Variants in INTS1 observed in about 807,000 individuals in gnomAD.
INTS1 encodes integrator complex subunit 1.
A neutral mutation model predicts 241.6 loss-of-function variants in INTS1; 137 were observed. The observed-to-expected ratio is 0.57, with a 90% CI of 0.49 to 0.65. The LOEUF (loss-of-function observed/expected upper bound fraction) is 0.65. INTS1 is among the 30% of genes least tolerant of loss of function. INTS1 has a pLI of 0.00. For synonymous variants in INTS1, 1,692 were observed against 1,337.8 expected, an observed-to-expected ratio of 1.26 and a Z score of -5.78; for missense variants, 3,073 against 3,032.2, an observed-to-expected ratio of 1.01 and a Z score of -0.32.
intron 21 of INTS1, 61 bp downstream of exon 21, chr7:1,486,861 G>C (rs1330412264): frequency 6.3e-7 from 1 of 1,593,112 alleles, no homozygotes; most frequent in Non-Finnish European, 8.5e-7. Flanking sequence ...CTCAGGCATG[G>C]GTTGCCCTGA....
In INTS1 at chr7:1,470,565, G is replaced by A; in HGVS notation, c.*12C>T. On this transcript the variant is annotated 3_prime_UTR_variant, in exon 48 of 48. Coordinates refer to ENST00000404767, the MANE Select transcript of INTS1 (RefSeq NM_001080453.3). ...CGGGCCGGGGCTTGGAGGGGGGTCGGCTGCCACAGGCTCACATCACGGCCT... is the reference window on the plus strand; with the variant it reads ...CGGGCCGGGGCTTGGAGGGGGGTCGACTGCCACAGGCTCACATCACGGCCT... The A allele has an allele frequency of 6.5e-7, 1 of 1,534,044 alleles. No individual in the cohort carries two copies. Among genetic ancestry groups the A allele is most frequent in the South Asian group, 1.2e-5 (1 of 83,390 alleles).
chr7:1,473,717 C>A, intron 41 of INTS1, 24 bp from the exon 42 acceptor site: 1 of 1,612,080 alleles, frequency 6.2e-7, no homozygotes, highest in South Asian at 1.1e-5. Context: ...GCGGCACCCT[C>A]GAGCTGCTCT....
chr7:1,478,261 T>C, intron 33 of INTS1, 105 bp downstream of exon 33: 4 of 1,313,614 alleles, frequency 3.0e-6, no homozygotes, highest in South Asian at 1.3e-5. Context: ...CCGGGGACAG[T>C]GCTGAGCAGA....
In INTS1 at chr7:1,499,911, G is replaced by A. The variant is rs751772411; in HGVS notation, c.657C>T (p.Asp219=). 1.6e-5 allele frequency: 26 copies of A among 1,613,250 alleles called. No individual in the cohort carries two copies. The highest frequency in any genetic ancestry group is 8.0e-5 in the African/African-American group (6 of 74,924). The change falls in exon 5 of 48, where the codon GAC becomes GAT. Residue 219 remains aspartate (D), a synonymous_variant. Coordinates refer to ENST00000404767, the MANE Select transcript of INTS1 (RefSeq NM_001080453.3). ...CNLLMAAYEE[D]ENWPEIFVKV... is the part of the protein sequence containing the mutation. The stretch of plus-strand genomic sequence containing the variant: ...TGACAAAGATCTCGGGCCAGTTCTC[G>A]TCCTCCTCGTAGGCGGCCATGAGGA...
intron 2 of INTS1, among the ~76,000 whole-genome samples, chr7:1,503,538 C>T (rs970293369): frequency 1.3e-5 from 2 of 152,270 alleles, no homozygotes; most frequent in African/African-American, 4.8e-5. Flanking sequence ...CAGCGTCACA[C>T]AGCAGGCGAG....
At chr7:1,477,037 G>A (rs1781758403) in intron 35 of INTS1, 119 bp from the exon 36 acceptor site, 2 of 1,271,770 alleles carry the variant, frequency 1.6e-6, no homozygotes, top group Admixed American at 2.2e-5. Context: ...GGTGCTGCCG[G>A]TAACACCGGC....
Position 1,470,585 on chromosome 7 carries a change from C to T in INTS1, c.6565G>A (p.Val2189Met). ...GGTCGGCTGCCACAGGCTCACATCA[C>T]GGCCTCCATATGCAGGATCCTCAGG... ...EALRILHMEA[V>M]M Residue 2189 changes from valine to methionine, a missense_variant, in exon 48 of 48, where the codon GTG becomes ATG. By Grantham distance (21) the Val-to-Met change is conservative. Transcript: ENST00000404767. 2 of 1,562,306 alleles carry T rather than the reference C, an allele frequency of 1.3e-6. No homozygotes were observed. Among genetic ancestry groups the T allele is most frequent in the Non-Finnish European group, 1.7e-6 (2 of 1,154,298 alleles).
chr7:1,499,165 G>C lies in INTS1; in HGVS notation c.951-4C>G, dbSNP rs746980890. 6.2e-7 allele frequency: 1 copy of C among 1,607,630 alleles called. No homozygotes were observed. Among genetic ancestry groups the C allele is most frequent in the Non-Finnish European group, 8.5e-7 (1 of 1,177,142 alleles). ...GCTCTCCGCGAGCTCTTCGTACCTA[G>C]GCCAGAGGAGGGAGCGAGGAGGGAG... On this transcript the variant is annotated splice_polypyrimidine_tract_variant and splice_region_variant and intron_variant, in intron 7 of 47. Transcript: ENST00000404767.
chr7:1,470,705 CG>C lies in INTS1; in HGVS notation c.6458-14del, dbSNP rs1562481016. 6.6e-7 allele frequency: 1 copy of C among 1,526,132 alleles called. No homozygotes were observed. Among genetic ancestry groups the C allele is most frequent in the South Asian group, 1.2e-5 (1 of 82,258 alleles). The allele number at this position is 1,526,132 out of a possible 1,614,324, so 94.5% of individuals were successfully genotyped here. Reference sequence around the variant, plus strand: ...ACAGCCGCGTGCTCTGTGGGGGAAACGGGGCCCTGCACGTCACGCTGGCCAC... The same window carrying C: ...ACAGCCGCGTGCTCTGTGGGGGAAACGGGCCCTGCACGTCACGCTGGCCAC... On this transcript the variant is annotated splice_polypyrimidine_tract_variant and intron_variant, in intron 47 of 47. Coordinates refer to ENST00000404767, the MANE Select transcript of INTS1 (RefSeq NM_001080453.3).
chr7:1,492,848 G>T (rs546311199), intron 16 of INTS1, among the ~76,000 whole-genome samples, 162 bp downstream of exon 16: 1 of 139,154 alleles, frequency 7.2e-6, no homozygotes, highest in South Asian at 2.3e-4. Flanking sequence ...CGGGAGTGGG[G>T]AGTGGGGAGC....
At chr7:1,476,513 C>A (rs1266743143) in intron 37 of INTS1, 57 bp downstream of exon 37, 8 of 1,602,848 alleles carry the variant, frequency 5.0e-6, no homozygotes, top group Non-Finnish European at 6.0e-6. Flanking sequence ...GATGGGCCAC[C>A]CCCTCTCCCG....
chr7:1,485,245 G>C, intron 23 of INTS1, 43 bp from the exon 24 acceptor site: 1 of 1,597,058 alleles, frequency 6.3e-7, no homozygotes, highest in Non-Finnish European at 8.5e-7. Flanking sequence ...GCAGGGCTGC[G>C]GCCCTCTCAT....
At chr7:1,490,167 GGCA>G (rs1782478759) in intron 16 of INTS1, among the ~76,000 whole-genome samples, 1 of 152,250 alleles carries the variant, frequency 6.6e-6, no homozygotes, top group South Asian at 2.1e-4. Context: ...AAGCAGAGCG[GGCA>G]GCACCTGCCG....
intron 3 of INTS1, 123 bp from the exon 4 acceptor site, chr7:1,500,489 A>C: frequency 9.1e-7 from 1 of 1,100,498 alleles, no homozygotes; most frequent in African/African-American, 1.6e-5. Context: ...GGGACCAGCG[A>C]TCCACCCTCA....
At chr7:1,495,618 T>A in intron 12 of INTS1, 65 bp from the exon 13 acceptor site, 2 of 1,553,032 alleles carry the variant, frequency 1.3e-6, no homozygotes, top group East Asian at 2.4e-5. Context: ...AAGGCACCCC[T>A]GGGGGTCCAA....
chr7:1,498,541 G>A lies in INTS1; in HGVS notation c.1296C>T (p.Ser432=), dbSNP rs1369287268. The change falls in exon 10 of 48, where the codon AGC becomes AGT. Residue 432 remains serine, a synonymous_variant. Coordinates refer to ENST00000404767, the MANE Select transcript of INTS1 (RefSeq NM_001080453.3). The stretch of plus-strand genomic sequence containing the variant: ...TGGTGCCCAGGTTGTCCTTGTGCGC[G>A]CTCAGCAGCTCCCTGGGTGAGGTGA... ...HFMLCIRELL[S]AHKDNLGTTI... The A allele has an allele frequency of 8.1e-6, 13 of 1,613,568 alleles. No individual in the cohort carries two copies. Among genetic ancestry groups the A allele is most frequent in the Admixed American group, 1.7e-5 (1 of 59,986 alleles).
Position 1,474,182 on chromosome 7 carries a change from TGAA to T in INTS1, c.5812_5814del (p.Phe1938del). 6.4e-7 allele frequency: 1 copy of T among 1,573,226 alleles called. No individual in the cohort carries two copies. The highest frequency in any genetic ancestry group is 8.6e-7 in the Non-Finnish European group (1 of 1,161,434). ...GGAGCACACACCAGCAGCAGGCGGA[TGAA>T]GGACAGAAGGCAGTCCCACAGCGCC... On this transcript the variant is annotated inframe_deletion, in exon 41 of 48. Transcript: ENST00000404767.
Position 1,487,093 on chromosome 7 carries a change from C to A in INTS1, c.2655G>T (p.Ser885=), listed in dbSNP as rs201652864. The A allele has an allele frequency of 1.9e-6, 3 of 1,547,878 alleles. No individual in the cohort carries two copies. Among genetic ancestry groups the A allele is most frequent in the Admixed American group, 1.9e-5 (1 of 51,452 alleles). ...LLHIIQRQAS[S]QSMPWLADLV... ...GGTCCGCCAGCCAGGGCATGGACTG[C>A]GAGGAGGCCTGGGCAGGCGACAGTG... The change falls in exon 21 of 48, where the codon TCG becomes TCT. Residue 885 remains serine, a synonymous_variant. Coordinates refer to ENST00000404767, the MANE Select transcript of INTS1 (RefSeq NM_001080453.3).
At position 1,498,429 on chromosome 7, in the gene INTS1, A is replaced by C; in HGVS notation, c.1408T>G (p.Ser470Ala). The change falls in exon 10 of 48, where the codon TCA (serine) becomes GCA (alanine). Residue 470 changes from serine to alanine, a missense_variant. By Grantham distance (99) the Ser-to-Ala change is moderately conservative. Transcript: ENST00000404767. ...GGGCCTACCTTGGGCGCCAGCTCTG[A>C]GCTGTGCTGCAGTGCGGTATAGAGG... ...QVLYTALQHS[S>A]ELAPKFLAMV... The C allele has an allele frequency of 6.2e-7, 1 of 1,613,752 alleles. No individual in the cohort carries two copies. Among genetic ancestry groups the C allele is most frequent in the Non-Finnish European group, 8.5e-7 (1 of 1,179,844 alleles).
Sources: gnomAD v4.1 joint callset for allele counts (sites outside exome capture counted in the v4.1 genomes callset) on GRCh38, gnomAD v4.1.1 for gene constraint, MANE v1.5 for transcripts, NCBI Gene and HGNC (gene_info 2026-07-23, HGNC 2026-07-21) for gene names.